NUP43: variants seen among roughly 807,000 people sequenced by gnomAD.
The protein encoded by NUP43 is nucleoporin 43.
NUP43 carries 32 observed loss-of-function variants against 47.3 expected under a neutral mutation model. The observed-to-expected ratio is 0.68, with a 90% CI of 0.51 to 0.91. The LOEUF is 0.91. Among genes scored for constraint, NUP43 ranks in the 40% least tolerant of loss-of-function variants. The pLI is 0.00. For synonymous variants in NUP43, 147 were observed against 158.4 expected (o/e 0.93, Z 0.54); for missense variants, 444 against 453.9 (o/e 0.98, Z 0.20).
chr6:149,736,333 A>G (rs1425614375), intron 6 of NUP43, 138 bp downstream of exon 6: 2 of 549,172 alleles, frequency 3.6e-6, no homozygotes, highest in Non-Finnish European at 5.8e-6. Flanking sequence ...AAGAAATTAC[A>G]TAACTATTTA....
Position 149,738,751 on chromosome 6 carries a change from G to C in NUP43, c.530C>G (p.Ala177Gly). 1 of 1,586,104 alleles carries C rather than the reference G, an allele frequency of 6.3e-7. No individual in the cohort carries two copies. The highest frequency in any genetic ancestry group is 8.6e-7 in the Non-Finnish European group (1 of 1,167,624). ...IDNADSSTLH[A>G]VTFLRTPEIL... Reference sequence around the variant, plus strand: ...CTCAGGAGTTCGAAGAAAGGTTACAGCATGGAGTGTACTACTATCTGCATT... The same window carrying C: ...CTCAGGAGTTCGAAGAAAGGTTACACCATGGAGTGTACTACTATCTGCATT... The change falls in exon 5 of 8, where the codon GCT becomes GGT. Residue 177 changes from alanine (A) to glycine (G), a missense_variant. Coordinates refer to ENST00000340413, the MANE Select transcript of NUP43 (RefSeq NM_198887.3).
intron 7 of NUP43, among the ~76,000 whole-genome samples, chr6:149,729,905 A>G (rs778264522): frequency 1.3e-5 from 2 of 152,254 alleles, no homozygotes; most frequent in Non-Finnish European, 2.9e-5. Context: ...ACAAACCCTC[A>G]AAAACAGGAA....
In NUP43 at chr6:149,724,771, T is replaced by A. The variant is rs1278582030; in HGVS notation, c.*2198A>T. The A allele has an allele frequency of 3.9e-5, 6 of 152,032 alleles. No homozygotes were observed. The highest frequency in any genetic ancestry group is 3.9e-4 in the Admixed American group (6 of 15,230). 9.4% of individuals were successfully genotyped at this position (152,032 alleles called of 1,614,324 possible). A position where few individuals can be genotyped will look rare whatever the true frequency, so the allele number is the denominator to read the frequency against. ...GTTAATTTTTTTTTTGCATTTTTAG[T>A]GGAGACGGGGTTTCGCCATGTTGGC... On this transcript the variant is annotated 3_prime_UTR_variant, in exon 8 of 8. Coordinates refer to ENST00000340413, the MANE Select transcript of NUP43 (RefSeq NM_198887.3).
At chr6:149,748,686 G>C (rs1348705722), upstream of NUP43, among the ~76,000 whole-genome samples, 1 of 151,920 alleles carries the variant, frequency 6.6e-6, no homozygotes, top group African/African-American at 2.4e-5. Context: ...GCGGGTGCCT[G>C]TAGTCCCAGC....
chr6:149,733,832 T>G (rs889556143), intron 6 of NUP43, among the ~76,000 whole-genome samples: 15 of 146,560 alleles, frequency 1.0e-4, no homozygotes, highest in African/African-American at 3.6e-4. Context: ...TTTTGTTTTG[T>G]TTTTTTTTTG....
chr6:149,727,150 T>C lies in NUP43; in HGVS notation c.962A>G (p.Asn321Ser), dbSNP rs1784826577. ...GGAGCTAATGACAGACTGGTGAACA[T>C]TAGCTTGGTTACTAATGCTATGAGA... ...FLSHSISNQA[N>S]VHQSVISSWL... Residue 321 changes from asparagine to serine, a missense_variant, in exon 8 of 8, where the codon AAT (asparagine) becomes AGT (serine). By Grantham distance (46) the Asn-to-Ser change is conservative. Transcript: ENST00000340413. The C allele has an allele frequency of 6.2e-7, 1 of 1,614,124 alleles. No homozygotes were observed. Among genetic ancestry groups the C allele is most frequent in the Non-Finnish European group, 8.5e-7 (1 of 1,180,006 alleles).
rs767143880 is a variant in NUP43 at position 149,746,382 on chromosome 6, G to A, written c.114C>T (p.Asp38=). 2 of 1,613,950 alleles carry A rather than the reference G, an allele frequency of 1.2e-6. No homozygotes were observed. Among genetic ancestry groups the A allele is most frequent in the South Asian group, 1.1e-5 (1 of 91,084 alleles). ...TCCCTATCAGCGGCGATACCTCATT[G>A]TCCCAAGATCCTGTAGCGAACGTCT... ...TAETFATGSW[D]NEENYISLWS... The change falls in exon 1 of 8, where the codon GAC becomes GAT. Residue 38 remains aspartate, a synonymous_variant. Transcript: ENST00000340413.
chr6:149,746,380 T>C lies in NUP43; in HGVS notation c.116A>G (p.Asn39Ser), dbSNP rs761237486. Residue 39 changes from asparagine to serine, a missense_variant, in exon 1 of 8, where the codon AAT (asparagine) becomes AGT (serine). Physicochemically the swap from Asn to Ser is conservative, Grantham distance 46. Transcript: ENST00000340413. Reference protein sequence around the residue: ...AETFATGSWDNEENYISLWSI... With the variant: ...AETFATGSWDSEENYISLWSI... ...CGTCCCTATCAGCGGCGATACCTCA[T>C]TGTCCCAAGATCCTGTAGCGAACGT... The C allele has an allele frequency of 3.1e-6, 5 of 1,613,900 alleles. No individual in the cohort carries two copies. The Admixed American group carries it at 5.0e-5, about 16-fold the overall frequency.
chr6:149,732,042 C>G (rs1026575286), intron 6 of NUP43, among the ~76,000 whole-genome samples: 2 of 151,512 alleles, frequency 1.3e-5, no homozygotes, highest in Non-Finnish European at 2.9e-5. Flanking sequence ...GTTAGCCAGG[C>G]GTGGTGGCGC....
chr6:149,734,946 T>A (rs1785246332), intron 6 of NUP43, among the ~76,000 whole-genome samples: 1 of 151,156 alleles, frequency 6.6e-6, no homozygotes, highest in East Asian at 1.9e-4. Context: ...TTAAAAAAAA[T>A]GATGTGATGC....
chr6:149,746,412 G>C lies in NUP43; in HGVS notation c.84C>G (p.Thr28=). Residue 28 remains threonine, a synonymous_variant, in exon 1 of 8, where the codon ACC becomes ACG. Transcript: ENST00000340413. ...AAGATCCTGTAGCGAACGTCTCCGC[G>C]GTCTGTAAACTTCCCGGAGGCAGCG... ...WRPLPPGSLQ[T]AETFATGSWD... The C allele has an allele frequency of 6.2e-7, 1 of 1,614,172 alleles. No individual in the cohort carries two copies. The highest frequency in any genetic ancestry group is 8.5e-7 in the Non-Finnish European group (1 of 1,180,034).
chr6:149,733,288 G>C (rs1785154210), intron 6 of NUP43, among the ~76,000 whole-genome samples: 1 of 152,138 alleles, frequency 6.6e-6, no homozygotes, highest in Non-Finnish European at 1.5e-5. Context: ...ATTTGGAAAT[G>C]TTCCAAGAAT....
upstream of NUP43, among the ~76,000 whole-genome samples, chr6:149,748,770 C>T (rs1786159392): frequency 7.0e-6 from 1 of 142,118 alleles, no homozygotes; most frequent in East Asian, 2.0e-4. Flanking sequence ...GATCGCGCCA[C>T]TGCACTCCAG....
At chr6:149,745,342 G>A (rs1785920458) in intron 2 of NUP43, among the ~76,000 whole-genome samples, 1 of 151,244 alleles carries the variant, frequency 6.6e-6, no homozygotes, top group Admixed American at 6.6e-5. Context: ...GGAGGTTGTA[G>A]TGAGCTCAGA....
intron 7 of NUP43, among the ~76,000 whole-genome samples, chr6:149,728,688 TC>T (rs1784898410): frequency 6.6e-6 from 1 of 152,154 alleles, no homozygotes; most frequent in Admixed American, 6.6e-5. Context: ...GTCCCAGGGC[TC>T]CTCAGCCACC....
intron 5 of NUP43, 50 bp from the exon 6 acceptor site, chr6:149,736,672 T>C (rs1344643978): frequency 6.7e-7 from 1 of 1,488,826 alleles, no homozygotes; most frequent in South Asian, 1.3e-5. Context: ...GTATAATTTA[T>C]CTTTGTGTAA....
At chr6:149,747,745 T>C (rs930063049), upstream of NUP43, among the ~76,000 whole-genome samples, 5 of 152,190 alleles carry the variant, frequency 3.3e-5, no homozygotes, top group Non-Finnish European at 7.3e-5. Flanking sequence ...TTCATAACTG[T>C]ATGTTGGTTA....
upstream of NUP43, chr6:149,746,631 A>G (rs1481578925): frequency 6.3e-7 from 1 of 1,595,684 alleles, no homozygotes; most frequent in Non-Finnish European, 8.5e-7. Flanking sequence ...ATTCTCGTCG[A>G]TAGCCAGTGT....
intron 5 of NUP43, among the ~76,000 whole-genome samples, chr6:149,737,198 C>T (rs1408730935): frequency 6.6e-6 from 1 of 151,812 alleles, no homozygotes; most frequent in Admixed American, 6.6e-5. Flanking sequence ...GCATGAGAAT[C>T]GCCTGAACCC....
Sources: gnomAD v4.1 joint callset for allele counts (sites outside exome capture counted in the v4.1 genomes callset) on GRCh38, gnomAD v4.1.1 for gene constraint, MANE v1.5 for transcripts, NCBI Gene and HGNC (gene_info 2026-07-23, HGNC 2026-07-21) for gene names.